The following CACNA1B variants were observed in gnomAD, a reference collection of about 807,000 sequenced individuals.
The protein encoded by CACNA1B is calcium voltage-gated channel subunit alpha1 B.
Under a neutral mutation model 247.2 loss-of-function variants are expected in CACNA1B, and 70 were observed. That is an observed-to-expected ratio of 0.28 (90% confidence interval 0.23 to 0.35). The LOEUF is 0.35. Ranked by LOEUF, CACNA1B falls within the 10% of genes least tolerant of loss-of-function variation. The pLI, the probability that CACNA1B is intolerant of heterozygous loss-of-function variation, is 1.00. For missense variants in CACNA1B, 2,367 were observed against 3,197.4 expected (o/e 0.74, Z 6.26); for synonymous variants, 1,231 against 1,294.4 (o/e 0.95, Z 1.05).
intron 8 of CACNA1B, among the ~76,000 whole-genome samples, 186 bp from the exon 9 acceptor site, chr9:137,956,584 GT>G (rs1231220009): frequency 6.6e-6 from 1 of 151,868 alleles, no homozygotes; most frequent in Non-Finnish European, 1.5e-5. Flanking sequence ...AACCCGGAAG[GT>G]GGAGGTTGCA....
At chr9:138,036,194 C>T (rs1959041499) in intron 20 of CACNA1B, among the ~76,000 whole-genome samples, 1 of 152,032 alleles carries the variant, frequency 6.6e-6, no homozygotes, top group South Asian at 2.1e-4. Flanking sequence ...GGCTGGAGTG[C>T]AGTGGCGCAA....
rs570150494 is a variant in CACNA1B, at chr9:137,983,573, G to A, written c.1657-565G>A. On this transcript the variant is annotated intron_variant, in intron 12 of 46. Transcript: ENST00000371372. Reference sequence around the variant, plus strand: ...CAAACAGGCAGGCTTGCCATAATCTGTTCTTGGTGGCATGTGCTGTTTCCT... The same window carrying A: ...CAAACAGGCAGGCTTGCCATAATCTATTCTTGGTGGCATGTGCTGTTTCCT... Among the ~76,000 whole-genome samples, 144 of 152,274 alleles carry A rather than the reference G, an allele frequency of 9.5e-4. 1 individual carries two copies. Among genetic ancestry groups the A allele is most frequent in the Non-Finnish European group, 1.5e-3 (99 of 68,026 alleles).
In CACNA1B at chr9:138,073,761, G is replaced by A. The variant is rs901093341; in HGVS notation, c.4791+157G>A. On this transcript the variant is annotated intron_variant, in intron 33 of 46. Coordinates refer to ENST00000371372, the MANE Select transcript of CACNA1B (RefSeq NM_000718.4). This position sits in a 1 kb window ranked among gnomAD's most constrained non-coding sequence, Gnocchi z 6.4. ...TTGTCCTGTTGTCATTTATAAAGACGTTTTAAGTCATCTGTAGGTTCCCTT... is the reference window on the plus strand; with the variant it reads ...TTGTCCTGTTGTCATTTATAAAGACATTTTAAGTCATCTGTAGGTTCCCTT... Among the ~76,000 whole-genome samples, 27 of 152,208 alleles carry A rather than the reference G, an allele frequency of 1.8e-4. No individual in the cohort carries two copies. The highest frequency in any genetic ancestry group is 6.3e-4 in the African/African-American group (26 of 41,436).
Position 138,072,199 on chromosome 9 carries a change from C to T in CACNA1B, c.4675-1289C>T, listed in dbSNP as rs1027960958. On this transcript the variant is annotated intron_variant, in intron 32 of 46. Coordinates refer to ENST00000371372, the MANE Select transcript of CACNA1B (RefSeq NM_000718.4). This position sits in a 1 kb window ranked among gnomAD's most constrained non-coding sequence, Gnocchi z 4.5. ...CCATGGATATCATTCAAAACCAGTCCTGCTCCCACAGTTGCAGCATCCCGC... is the reference window on the plus strand; with the variant it reads ...CCATGGATATCATTCAAAACCAGTCTTGCTCCCACAGTTGCAGCATCCCGC... Among the ~76,000 whole-genome samples, 1 of 152,208 alleles carries T rather than the reference C, an allele frequency of 6.6e-6. No homozygotes were observed. Among genetic ancestry groups the T allele is most frequent in the African/African-American group, 2.4e-5 (1 of 41,456 alleles).
rs1014326321 is a variant in CACNA1B, at chr9:137,882,647, G to A, written c.391-97G>A. Reference sequence around the variant, plus strand: ...GGGTCAGACCCTCACGATAGCTGTGGCCTGCACATGGTGGGGTGGGGTCCT... The same window carrying A: ...GGGTCAGACCCTCACGATAGCTGTGACCTGCACATGGTGGGGTGGGGTCCT... On this transcript the variant is annotated intron_variant, in intron 2 of 46. Transcript: ENST00000371372. This position sits in a 1 kb window ranked among gnomAD's most constrained non-coding sequence, Gnocchi z 4.0. The A allele has an allele frequency of 9.3e-6, 13 of 1,397,350 alleles. No homozygotes were observed. In the Admixed American group the frequency reaches 2.1e-4, roughly 23 times the overall value. 86.6% of individuals were successfully genotyped at this position (1,397,350 alleles called of 1,614,324 possible).
chr9:138,096,759 G>A, intron 37 of CACNA1B, 148 bp downstream of exon 37: 1 of 644,820 alleles, frequency 1.6e-6, no homozygotes, highest in Non-Finnish European at 2.5e-6. Flanking sequence ...TTCGTGTAGA[G>A]CAGCAGTGAT....
chr9:138,044,306 T>C (rs1037140332), intron 21 of CACNA1B, among the ~76,000 whole-genome samples: 1 of 152,272 alleles, frequency 6.6e-6, no homozygotes, highest in Non-Finnish European at 1.5e-5. Flanking sequence ...GTGCTTTTCA[T>C]GCATTCATCA....
intron 31 of CACNA1B, among the ~76,000 whole-genome samples, chr9:138,064,892 C>T (rs1959861209): frequency 6.6e-6 from 1 of 152,244 alleles, no homozygotes; most frequent in Non-Finnish European, 1.5e-5. Context: ...TGCGTGATGC[C>T]AGTGCCCTCC....
At chr9:137,949,499 ATGTGTGTGATGTGTGTC>A (rs573520500) in intron 6 of CACNA1B, among the ~76,000 whole-genome samples, 1,608 of 145,976 alleles carry the variant, frequency 0.011, 10 homozygotes, top group East Asian at 0.034. Flanking sequence ...TGTGTGGTGC[ATGTGTGTGATGTGTGTC>A]TGTGTGTGAT....
Position 138,057,191 on chromosome 9 carries a change from C to T in CACNA1B, c.3969-541C>T, listed in dbSNP as rs1226310914. On this transcript the variant is annotated intron_variant, in intron 26 of 46. Transcript: ENST00000371372. This position sits in a 1 kb window ranked among gnomAD's most constrained non-coding sequence, Gnocchi z 4.0. ...TGACCTCGTGATCCGCCCGCCTCGG[C>T]CTCCCAAAGTGCTGGGATTACAGGC... 6.6e-6 allele frequency among the ~76,000 whole-genome samples: 1 copy of T among 152,180 alleles called. No homozygotes were observed. The highest frequency in any genetic ancestry group is 1.5e-5 in the Non-Finnish European group (1 of 68,040).
intron 20 of CACNA1B, among the ~76,000 whole-genome samples, chr9:138,039,372 ATTGT>A (rs1002547577): frequency 3.9e-5 from 6 of 151,958 alleles, no homozygotes; most frequent in African/African-American, 1.2e-4. Context: ...TTAAAATGGT[ATTGT>A]TTAAAAGTTT....
At chr9:138,053,677 C>T (rs1959383168) in intron 25 of CACNA1B, among the ~76,000 whole-genome samples, 169 bp from the exon 26 acceptor site, 1 of 150,210 alleles carries the variant, frequency 6.7e-6, no homozygotes, top group Non-Finnish European at 1.5e-5. Flanking sequence ...ATGGCTCCAC[C>T]CCTTTCCTCA....
intron 3 of CACNA1B, among the ~76,000 whole-genome samples, chr9:137,906,823 G>T (rs1156261265): frequency 6.6e-6 from 1 of 152,140 alleles, no homozygotes; most frequent in Non-Finnish European, 1.5e-5. Context: ...TAACATATGT[G>T]TTCCCCTGCA....
intron 38 of CACNA1B, among the ~76,000 whole-genome samples, chr9:138,103,475 C>A (rs1453124757): frequency 6.6e-6 from 1 of 152,118 alleles, no homozygotes; most frequent in East Asian, 1.9e-4. Flanking sequence ...GCCTCGGGGC[C>A]CAGGAGTCAT....
intron 6 of CACNA1B, among the ~76,000 whole-genome samples, chr9:137,944,645 G>A (rs1957773141): frequency 6.6e-6 from 1 of 152,142 alleles, no homozygotes; most frequent in Admixed American, 6.6e-5. Flanking sequence ...TCAAAGTTTG[G>A]GACCCATCTC....
At chr9:137,968,791 A>C (rs1348739971) in intron 10 of CACNA1B, among the ~76,000 whole-genome samples, 1 of 152,258 alleles carries the variant, frequency 6.6e-6, no homozygotes, top group Non-Finnish European at 1.5e-5. Context: ...AAGTATTTGC[A>C]GCAGTCAGGC....
rs775719969 is a variant in CACNA1B, at chr9:137,917,237, G to A, written c.776-4G>A. On this transcript the variant is annotated splice_polypyrimidine_tract_variant and splice_region_variant and intron_variant, in intron 5 of 46. Coordinates refer to ENST00000371372, the MANE Select transcript of CACNA1B (RefSeq NM_000718.4). This position sits in a 1 kb window ranked among gnomAD's most constrained non-coding sequence, Gnocchi z 5.5. ...CAGGGTCTGCTTCATTCTCCTTCTT[G>A]CAGATGCGGAGCCCGTGGGTGACTT... The A allele has an allele frequency of 6.2e-7, 1 of 1,610,126 alleles. No individual in the cohort carries two copies. The highest frequency in any genetic ancestry group is 8.5e-7 in the Non-Finnish European group (1 of 1,177,980).
At position 137,971,048 on chromosome 9, in the gene CACNA1B, A is replaced by C. The variant is rs1333212707; in HGVS notation, c.1334-335A>C. Among the ~76,000 whole-genome samples the C allele has an allele frequency of 6.6e-6, 1 of 152,166 alleles. No homozygotes were observed. Among genetic ancestry groups the C allele is most frequent in the African/African-American group, 2.4e-5 (1 of 41,442 alleles). ...GGGACTAACTCAGATTTATGTCTTC[A>C]GGGGAAAAAGCTTGGGGTGCTCATG... On this transcript the variant is annotated intron_variant, in intron 10 of 46. Coordinates refer to ENST00000371372, the MANE Select transcript of CACNA1B (RefSeq NM_000718.4). This position sits in a 1 kb window ranked among gnomAD's most constrained non-coding sequence, Gnocchi z 4.4.
intron 6 of CACNA1B, among the ~76,000 whole-genome samples, chr9:137,928,026 ATTT>A (rs1957571090): frequency 2.0e-5 from 3 of 152,124 alleles, no homozygotes; most frequent in Non-Finnish European, 2.9e-5. Context: ...GCTGAATTGT[ATTT>A]GTTAGCATTT....
Sources: allele counts gnomAD v4.1 joint callset (sites outside exome capture counted in the v4.1 genomes callset), GRCh38; gene constraint gnomAD v4.1.1; non-coding constraint Gnocchi (gnomAD v3.1); transcripts MANE v1.5; gene names NCBI Gene and HGNC (gene_info 2026-07-23, HGNC 2026-07-21).